WDR88: variants seen among roughly 807,000 people sequenced by gnomAD.
The protein encoded by WDR88 is WD repeat domain 88.
In WDR88, 40 loss-of-function variants were observed where a neutral mutation model predicts 46.8. The observed-to-expected ratio is 0.86, with a 90% CI of 0.66 to 1.11. The LOEUF is 1.11. WDR88 is among the 50% of genes most tolerant of loss of function. The pLI, the probability that WDR88 is intolerant of heterozygous loss-of-function variation, is 0.00. For missense variants in WDR88, 562 were observed against 602.4 expected (o/e 0.93, Z 0.70); for synonymous variants, 235 against 240.7 (o/e 0.98, Z 0.22).
chr19:33,147,275 A>G (rs1453639535), intron 3 of WDR88, among the ~76,000 whole-genome samples: 2 of 151,176 alleles, frequency 1.3e-5, no homozygotes, highest in Non-Finnish European at 2.9e-5. Context: ...GGGAGGATGG[A>G]AAGGACCACA....
Position 33,172,369 on chromosome 19 carries a change from A to G in WDR88, c.1171A>G (p.Asn391Asp), listed in dbSNP as rs778920204. 1 of 1,613,922 alleles carries G rather than the reference A, an allele frequency of 6.2e-7. No individual in the cohort carries two copies. The highest frequency in any genetic ancestry group is 2.2e-5 in the East Asian group (1 of 44,870). ...TTAGGATAGGACCATGAGACTGTGG[A>G]ATATTGAAGAAATTGATGAAATTCC... ...ASKDRTMRLW[N>D]IEEIDEIPLV... The change falls in exon 10 of 11, where the codon AAT becomes GAT. Residue 391 changes from asparagine to aspartate, a missense_variant. By Grantham distance (23) the Asn-to-Asp change is conservative (BLOSUM62 1). Coordinates refer to ENST00000355868, the MANE Select transcript of WDR88 (RefSeq NM_173479.4).
intron 6 of WDR88, 87 bp downstream of exon 6, chr19:33,151,397 A>T: frequency 6.7e-7 from 1 of 1,497,740 alleles, no homozygotes; most frequent in South Asian, 1.3e-5. Context: ...GCCAGCATCC[A>T]TGTGGACACG....
At chr19:33,175,309 C>G in intron 10 of WDR88, 87 bp from the exon 11 acceptor site, 2 of 1,370,946 alleles carry the variant, frequency 1.5e-6, no homozygotes, top group Middle Eastern at 1.9e-4. Flanking sequence ...TGCCCCAGCT[C>G]AAGGTAGCTG....
At chr19:33,150,067 A>G (rs772281152) in intron 5 of WDR88, among the ~76,000 whole-genome samples, 1 of 152,206 alleles carries the variant, frequency 6.6e-6, no homozygotes, top group Non-Finnish European at 1.5e-5. Flanking sequence ...GGTGAAGGAC[A>G]TGGGTGATTT....
intron 10 of WDR88, among the ~76,000 whole-genome samples, chr19:33,173,439 C>T (rs1425185251): frequency 6.6e-6 from 1 of 152,268 alleles, no homozygotes; most frequent in Non-Finnish European, 1.5e-5. Context: ...GAGGCTGTCC[C>T]TGGGCAGTGG....
chr19:33,151,068 A>C, intron 5 of WDR88, 113 bp from the exon 6 acceptor site: 1 of 1,277,732 alleles, frequency 7.8e-7, no homozygotes, highest in East Asian at 2.6e-5. Context: ...GTAGCTCCTG[A>C]TGAAAACTGG....
intron 6 of WDR88, among the ~76,000 whole-genome samples, chr19:33,154,122 A>C (rs1312183283): frequency 6.6e-6 from 1 of 152,128 alleles, no homozygotes; most frequent in Non-Finnish European, 1.5e-5. Context: ...CTTCTACGAG[A>C]AGTGGGATTT....
chr19:33,137,700 G>C lies in WDR88; in HGVS notation c.300G>C (p.Gly100=). 3 of 1,613,858 alleles carry C rather than the reference G, an allele frequency of 1.9e-6. No individual in the cohort carries two copies. The highest frequency in any genetic ancestry group is 1.3e-5 in the African/African-American group (1 of 75,038). Residue 100 remains glycine (G), a synonymous_variant, in exon 2 of 11, where the codon GGG becomes GGC. Coordinates refer to ENST00000355868, the MANE Select transcript of WDR88 (RefSeq NM_173479.4). ...AGATCCCATTTAAAATTCTGAGTGG[G>C]CACGAGCACGCTGTGAGCACCTGCC... ...LSKIPFKILS[G]HEHAVSTCHF... is the part of the protein sequence containing the mutation.
At chr19:33,157,746 G>T (rs1169449119) in intron 7 of WDR88, among the ~76,000 whole-genome samples, 2 of 131,644 alleles carry the variant, frequency 1.5e-5, no homozygotes, top group African/African-American at 2.9e-5. Flanking sequence ...TAAAATTAAA[G>T]AGGTAAAGAG....
intron 2 of WDR88, among the ~76,000 whole-genome samples, chr19:33,143,337 CAAAAAAAAAA>C (rs59380405): frequency 1.2e-4 from 6 of 49,350 alleles, no homozygotes; most frequent in African/African-American, 3.9e-4. Context: ...GATCCAGTGT[CAAAAAAAAAA>C]AAAAAAAAAA....
intron 1 of WDR88, among the ~76,000 whole-genome samples, chr19:33,133,084 G>A (rs1178331856): frequency 6.6e-6 from 1 of 151,746 alleles, no homozygotes; most frequent in Non-Finnish European, 1.5e-5. Flanking sequence ...TTGAACCCAG[G>A]AGTTTAAGGC....
chr19:33,149,348 C>A lies in WDR88; in HGVS notation c.679+438C>A, dbSNP rs142430899. On this transcript the variant is annotated intron_variant, in intron 5 of 10. Transcript: ENST00000355868. Reference sequence around the variant, plus strand: ...AAAAAACAAACAAACAAACAAAAAACAAACAAACAAACAAAAAAACACACC... The same window carrying A: ...AAAAAACAAACAAACAAACAAAAAAAAAACAAACAAACAAAAAAACACACC... Among the ~76,000 whole-genome samples the A allele has an allele frequency of 3.3e-3, 414 of 123,844 alleles. 1 individual carries two copies. The highest frequency in any genetic ancestry group is 0.014 in the African/African-American group (395 of 27,832). 81.2% of individuals were successfully genotyped at this position (123,844 alleles called of 152,430 possible).
At chr19:33,157,667 A>G (rs71351716) in intron 7 of WDR88, among the ~76,000 whole-genome samples, 6,017 of 94,302 alleles carry the variant, frequency 0.064, 189 homozygotes, top group East Asian at 0.18. Context: ...ATATGTATGT[A>G]TGTGTGTGTG....
intron 3 of WDR88, among the ~76,000 whole-genome samples, chr19:33,146,151 G>A (rs965609056): frequency 2.6e-5 from 4 of 152,120 alleles, no homozygotes; most frequent in Non-Finnish European, 4.4e-5. Flanking sequence ...TACAAAATTA[G>A]TCGGGCGTAG....
At chr19:33,157,687 G>A (rs12979941) in intron 7 of WDR88, among the ~76,000 whole-genome samples, 993 of 3,096 alleles carry the variant, frequency 0.32, 33 homozygotes, top group Middle Eastern at 0.5. Context: ...GTGTATGTAT[G>A]TATATATATA....
chr19:33,159,435 T>C (rs932998494), intron 7 of WDR88, among the ~76,000 whole-genome samples: 7 of 152,156 alleles, frequency 4.6e-5, no homozygotes, highest in Non-Finnish European at 1.0e-4. Flanking sequence ...TTGCCGTTCC[T>C]AAGCGCGAGA....
At chr19:33,144,445 C>T (rs576626398) in intron 2 of WDR88, among the ~76,000 whole-genome samples, 9 of 152,238 alleles carry the variant, frequency 5.9e-5, no homozygotes, top group African/African-American at 1.9e-4. Context: ...GGTGATCCAC[C>T]CACCTCGGCC....
intron 9 of WDR88, 61 bp downstream of exon 9, chr19:33,164,326 GT>G: frequency 1.3e-6 from 2 of 1,505,106 alleles, no homozygotes; most frequent in Non-Finnish European, 1.8e-6. Flanking sequence ...TAGTGGAAGA[GT>G]TATTGCCAAG....
Position 33,132,160 on chromosome 19 carries a change from G to A in WDR88, c.-10G>A, listed in dbSNP as rs1174004331. ...GCTTGTCGGCGGCCACCGGCGGACC[G>A]GGCTTCGAGATGGCCTCCCCGCCGC... is the stretch of plus-strand genomic sequence containing the variant. On this transcript the variant is annotated 5_prime_UTR_variant, in exon 1 of 11. Coordinates refer to ENST00000355868, the MANE Select transcript of WDR88 (RefSeq NM_173479.4). The A allele has an allele frequency of 3.2e-6, 5 of 1,577,834 alleles. No homozygotes were observed. In the East Asian group the frequency reaches 6.9e-5, roughly 22 times the overall value.
Sources: allele counts gnomAD v4.1 joint callset (sites outside exome capture counted in the v4.1 genomes callset), GRCh38; gene constraint gnomAD v4.1.1; transcripts MANE v1.5; gene names NCBI Gene and HGNC (gene_info 2026-07-23, HGNC 2026-07-21).